SPTBN2: variants seen among roughly 807,000 people sequenced by gnomAD.
SPTBN2 encodes spectrin beta chain, non-erythrocytic 2.
SPTBN2 carries 107 observed loss-of-function variants against 284.2 expected under a neutral mutation model. The observed-to-expected ratio is 0.38, with a 90% CI of 0.32 to 0.44. SPTBN2 has a LOEUF of 0.44. SPTBN2 is among the 20% of genes least tolerant of loss of function. The probability of loss-of-function intolerance (pLI) is 1.00; values close to 1 mark genes in which losing one functional copy is unlikely to be tolerated. For synonymous variants in SPTBN2, 1,289 were observed against 1,354.8 expected (o/e 0.95, Z 1.07); for missense variants, 2,569 against 3,287.1 (o/e 0.78, Z 5.34).
At chr11:66,720,994 C>CTTCCATAA in intron 3 of SPTBN2, 90 bp downstream of exon 3, 3 of 1,562,108 alleles carry the variant, frequency 1.9e-6, no homozygotes, top group Non-Finnish European at 2.6e-6. Context: ...AAAGAAAAGT[C>CTTCCATAA]AGTCTTCCCA....
chr11:66,714,026 A>G (rs2135513063), intron 7 of SPTBN2, 65 bp downstream of exon 7: 1 of 1,516,092 alleles, frequency 6.6e-7, no homozygotes, highest in Non-Finnish European at 9.2e-7. Flanking sequence ...CTGTCTCCAC[A>G]TGTGCACCCC....
chr11:66,702,332 A>AT (rs1411806663), intron 15 of SPTBN2, among the ~76,000 whole-genome samples: 2 of 152,002 alleles, frequency 1.3e-5, no homozygotes, highest in Non-Finnish European at 2.9e-5. Context: ...AGCCTAGCTA[A>AT]TTTTTGTATT....
At position 66,718,948 on chromosome 11, in the gene SPTBN2, C is replaced by A. The variant is rs1486329402; in HGVS notation, c.157+2136G>T. Among the ~76,000 whole-genome samples the A allele has an allele frequency of 6.6e-6, 1 of 152,330 alleles. No homozygotes were observed. Among genetic ancestry groups the A allele is most frequent in the East Asian group, 1.9e-4 (1 of 5,174 alleles). On this transcript the variant is annotated intron_variant, in intron 3 of 37. Coordinates refer to ENST00000533211, the MANE Select transcript of SPTBN2 (RefSeq NM_006946.4). The surrounding 1 kb of genome is among the most constrained non-coding windows in gnomAD (Gnocchi z 4.8). ...GGGCGGCGGAGGAGGGCACTGCCAGCGCCTTCAAGACCCGCCCATCAGGCC... is the reference window on the plus strand; with the variant it reads ...GGGCGGCGGAGGAGGGCACTGCCAGAGCCTTCAAGACCCGCCCATCAGGCC...
rs753133777 is a variant in SPTBN2 at position 66,713,611 on chromosome 11, T to C, written c.772+20A>G. On this transcript the variant is annotated intron_variant, in intron 8 of 37. Transcript: ENST00000533211. ...CTGTCTCTACCCTACCACCTCTTTT[T>C]CACATAGCTCTGGCCCCACCTTCGG... The C allele has an allele frequency of 3.7e-6, 6 of 1,604,536 alleles. No individual in the cohort carries two copies.
chr11:66,718,493 T>C lies in SPTBN2; in HGVS notation c.158-2512A>G, dbSNP rs1942245116. On this transcript the variant is annotated intron_variant, in intron 3 of 37. Transcript: ENST00000533211. The surrounding 1 kb of genome is among the most constrained non-coding windows in gnomAD (Gnocchi z 4.8). ...CAGCACGCTGGCATACTGAGCAGGGTTGATGAAAGCAGCTGGTGAAAGCAG... is the reference window on the plus strand; with the variant it reads ...CAGCACGCTGGCATACTGAGCAGGGCTGATGAAAGCAGCTGGTGAAAGCAG... Among the ~76,000 whole-genome samples the C allele has an allele frequency of 6.6e-6, 1 of 152,094 alleles. No homozygotes were observed. The highest frequency in any genetic ancestry group is 2.4e-5 in the African/African-American group (1 of 41,434).
In SPTBN2 at chr11:66,699,056, T is replaced by C; in HGVS notation, c.3803A>G (p.Gln1268Arg). 1 of 1,614,244 alleles carries C rather than the reference T, an allele frequency of 6.2e-7. No individual in the cohort carries two copies. Among genetic ancestry groups the C allele is most frequent in the South Asian group, 1.1e-5 (1 of 91,086 alleles). Residue 1268 changes from glutamine (Q) to arginine (R), a missense_variant, in exon 19 of 38, where the codon CAG becomes CGG. Coordinates refer to ENST00000533211, the MANE Select transcript of SPTBN2 (RefSeq NM_006946.4). ...GTCCCGAAGACGGCCCAGAAATTGC[T>C]GCGCTGCGTCTTGATTCTTCTTGTG... ...RRHKKNQDAA[Q>R]QFLGRLRDNR...
intron 1 of SPTBN2, among the ~76,000 whole-genome samples, chr11:66,735,138 G>T (rs1472786397): frequency 2.0e-5 from 3 of 152,136 alleles, no homozygotes; most frequent in African/African-American, 7.2e-5. Flanking sequence ...TGGGAGACCA[G>T]CCTGGCCAAC....
At position 66,692,617 on chromosome 11, in the gene SPTBN2, C is replaced by T; in HGVS notation, c.5109G>A (p.Leu1703=). 3 of 1,606,616 alleles carry T rather than the reference C, an allele frequency of 1.9e-6. No individual in the cohort carries two copies. The highest frequency in any genetic ancestry group is 2.5e-6 in the Non-Finnish European group (3 of 1,179,956). Residue 1703 remains leucine, a synonymous_variant, in exon 26 of 38, where the codon CTG becomes CTA. Transcript: ENST00000533211. ...HLRLCQLRRE[L]DDLEQWIQER... is the part of the protein sequence containing the mutation. ...CCTGGATCCACTGTTCCAGGTCATC[C>T]AGCTCGCGGCGGAGCTGGCACAGCC...
At position 66,691,694 on chromosome 11, in the gene SPTBN2, A is replaced by C. The variant is rs1940562124; in HGVS notation, c.5191-36T>G. 6.2e-7 allele frequency: 1 copy of C among 1,611,970 alleles called. No homozygotes were observed. The highest frequency in any genetic ancestry group is 1.3e-5 in the African/African-American group (1 of 74,936). Reference sequence around the variant, plus strand: ...AAGCAGATGGACAGACCATGCCGTGATGTTAGGGGATGTGGTCCCTGCCTG... The same window carrying C: ...AAGCAGATGGACAGACCATGCCGTGCTGTTAGGGGATGTGGTCCCTGCCTG... On this transcript the variant is annotated intron_variant, in intron 26 of 37. Transcript: ENST00000533211. The surrounding 1 kb of genome is among the most constrained non-coding windows in gnomAD (Gnocchi z 8.0).
chr11:66,692,944 C>T, intron 25 of SPTBN2, 26 bp downstream of exon 25: 1 of 1,600,212 alleles, frequency 6.2e-7, no homozygotes, highest in Non-Finnish European at 8.5e-7. Flanking sequence ...CACCCCCAGG[C>T]TGGGCCGGGC....
At position 66,705,691 on chromosome 11, in the gene SPTBN2, T is replaced by C. The variant is rs755295064; in HGVS notation, c.1800A>G (p.Pro600=). ...CCTTCGCTGACTTCTCACCTTTCCCTGGGTTGCAGAAGCGCAGGGCAGAGG... is the reference window on the plus strand; with the variant it reads ...CCTTCGCTGACTTCTCACCTTTCCCCGGGTTGCAGAAGCGCAGGGCAGAGG... ...VSASALRFCN[P]GKEYRPCDPQ... Residue 600 remains proline, a synonymous_variant, in exon 14 of 38, where the codon CCA becomes CCG. Transcript: ENST00000533211. The C allele has an allele frequency of 5.0e-6, 8 of 1,611,554 alleles. No individual in the cohort carries two copies. Among genetic ancestry groups the C allele is most frequent in the Non-Finnish European group, 5.1e-6 (6 of 1,179,984 alleles).
At chr11:66,733,904 G>A (rs956916709), upstream of SPTBN2, among the ~76,000 whole-genome samples, 14 of 151,480 alleles carry the variant, frequency 9.2e-5, no homozygotes, top group Non-Finnish European at 2.1e-4. Flanking sequence ...CGTGAACCCG[G>A]GAAGCAGAGC....
At chr11:66,699,258 C>A in intron 18 of SPTBN2, 148 bp downstream of exon 18, 1 of 1,257,960 alleles carries the variant, frequency 7.9e-7, no homozygotes, top group Non-Finnish European at 1.1e-6. Context: ...ATCTCCCAGC[C>A]CTCTCCAACC....
intron 22 of SPTBN2, 114 bp downstream of exon 22, chr11:66,694,025 A>C: frequency 7.1e-7 from 1 of 1,408,290 alleles, no homozygotes; most frequent in Non-Finnish European, 9.9e-7. Flanking sequence ...GAGATGGTCA[A>C]TGCCAAAGAG....
chr11:66,734,724 A>G (rs1237249759), intron 1 of SPTBN2, among the ~76,000 whole-genome samples: 4 of 152,216 alleles, frequency 2.6e-5, no homozygotes, highest in African/African-American at 9.6e-5. Context: ...GAACACAATT[A>G]TTTCACAGTT....
Position 66,691,652 on chromosome 11 carries a change from G to A in SPTBN2, c.5197C>T (p.Arg1733Ter), listed in dbSNP as rs1565116614. The change falls in exon 27 of 38, where the codon CGA becomes TGA. Residue 1733 changes from arginine to a stop codon, truncating the protein, a stop_gained. Transcript: ENST00000533211. LOFTEE classifies it high-confidence loss of function. This position sits in a 1 kb window ranked among gnomAD's most constrained non-coding sequence, Gnocchi z 8.0. ...GQDYEHVTML[R>*]DKFREFSRDT... ...CGGGAGAACTCTCGGAATTTGTCTCGGAGCATCTGGTAGAGGAAGCAGATG... is the reference window on the plus strand; with the variant it reads ...CGGGAGAACTCTCGGAATTTGTCTCAGAGCATCTGGTAGAGGAAGCAGATG... 1.9e-6 allele frequency: 3 copies of A among 1,613,600 alleles called. No individual in the cohort carries two copies. The highest frequency in any genetic ancestry group is 8.5e-7 in the Non-Finnish European group (1 of 1,180,040).
At chr11:66,720,794 G>C (rs1265161689) in intron 3 of SPTBN2, among the ~76,000 whole-genome samples, 1 of 152,174 alleles carries the variant, frequency 6.6e-6, no homozygotes, top group Non-Finnish European at 1.5e-5. Context: ...GAAGGATGAA[G>C]GGACATGACC....
chr11:66,721,421 G>A lies in SPTBN2; in HGVS notation c.-94C>T. 3.8e-6 allele frequency: 3 copies of A among 782,096 alleles called. No individual in the cohort carries two copies. The highest frequency in any genetic ancestry group is 6.4e-6 in the Non-Finnish European group (3 of 467,302). 48.4% of individuals were successfully genotyped at this position (782,096 alleles called of 1,614,324 possible). On this transcript the variant is annotated 5_prime_UTR_variant, in exon 2 of 38. Transcript: ENST00000533211. The stretch of plus-strand genomic sequence containing the variant: ...GTGGAAATCAGCCCCCAGGGGAAGA[G>A]GGGAAGCCACCTGGGAAGCCTGGGG...
chr11:66,728,309 AGGCGGCGCGGGGGGCGCGCGGGGCG>A (rs1404677919), intron 1 of SPTBN2: 2 of 143,390 alleles, frequency 1.4e-5, no homozygotes, highest in Non-Finnish European at 3.1e-5. Flanking sequence ...CACGGGGCGC[AGGCGGCGCGGGGGGCGCGCGGGGCG>A]GGCGGCGGCG....
Sources: gnomAD v4.1 joint callset for allele counts (sites outside exome capture counted in the v4.1 genomes callset) on GRCh38, gnomAD v4.1.1 for gene constraint, Gnocchi (gnomAD v3.1) non-coding constraint, MANE v1.5 for transcripts, NCBI Gene and HGNC (gene_info 2026-07-23, HGNC 2026-07-21) for gene names.